Variants in CXADR observed in about 807,000 individuals in gnomAD.
CXADR encodes CXADR cell adhesion molecule, also known as coxsackievirus and adenovirus receptor.
In CXADR, 20 loss-of-function variants were observed where a neutral mutation model predicts 40.3. That is an observed-to-expected ratio of 0.50 (90% CI 0.35 to 0.72). The LOEUF (loss-of-function observed/expected upper bound fraction) is 0.72, where lower values mean the gene tolerates loss of function less well. Among genes scored for constraint, CXADR ranks in the 30% least tolerant of loss-of-function variants. The pLI, the probability that CXADR is intolerant of heterozygous loss-of-function variation, is 0.01. For missense variants in CXADR, 332 were observed against 449.1 expected, an observed-to-expected ratio of 0.74 and a Z score of 2.36; for synonymous variants, 150 against 161.3, an observed-to-expected ratio of 0.93 and a Z score of 0.53.
the CXADR span, chr21:17,608,762 G>A: frequency 4.4e-6 from 2 of 454,080 alleles, no homozygotes; most frequent in African/African-American, 4.0e-5. Context: ...CCATAGCATT[G>A]GCCTCCTGTG....
intron 7 of CXADR, among the ~76,000 whole-genome samples, chr21:17,590,267 T>G (rs1416864066): frequency 2.0e-5 from 3 of 151,926 alleles, no homozygotes; most frequent in Non-Finnish European, 4.4e-5. Context: ...TTCAGTACTT[T>G]TATTTGTGCT....
intron 1 of CXADR, among the ~76,000 whole-genome samples, chr21:17,515,675 G>C (rs2060452145): frequency 6.6e-6 from 1 of 152,092 alleles, no homozygotes; most frequent in Non-Finnish European, 1.5e-5. Flanking sequence ...AGCCGAGCCT[G>C]GTGGCAGGCG....
the CXADR span, among the ~76,000 whole-genome samples, chr21:17,616,337 T>TC: frequency 8.3e-6 from 1 of 120,234 alleles, no homozygotes; most frequent in Non-Finnish European, 2.0e-5. Context: ...ACAAAAGTCT[T>TC]TTTTTTTTTT....
intron 6 of CXADR, among the ~76,000 whole-genome samples, chr21:17,563,951 A>G (rs1251591852): frequency 6.7e-6 from 1 of 148,400 alleles, no homozygotes; most frequent in African/African-American, 2.4e-5. Context: ...AAAAAAAAAA[A>G]AAAAAAAAAA....
intron 7 of CXADR, among the ~76,000 whole-genome samples, chr21:17,591,484 A>G (rs924742194): frequency 6.6e-6 from 1 of 152,020 alleles, no homozygotes; most frequent in Non-Finnish European, 1.5e-5. Context: ...TAAATGCTTT[A>G]TTATCTTAAC....
intron 2 of CXADR, among the ~76,000 whole-genome samples, chr21:17,548,637 G>A (rs539713048): frequency 6.6e-6 from 1 of 152,342 alleles, no homozygotes; most frequent in Admixed American, 6.5e-5. Context: ...GGAAGCCTAG[G>A]AACCATATGG....
chr21:17,516,123 G>A (rs747133445), intron 1 of CXADR, among the ~76,000 whole-genome samples: 4 of 152,114 alleles, frequency 2.6e-5, no homozygotes, highest in Non-Finnish European at 5.9e-5. Flanking sequence ...ACTGTTCTAA[G>A]GGCTTTACAT....
the CXADR span, among the ~76,000 whole-genome samples, chr21:17,630,223 G>T: frequency 1.3e-5 from 2 of 152,174 alleles, no homozygotes; most frequent in African/African-American, 4.8e-5. Flanking sequence ...TTAGAAAATT[G>T]TATGAAGTGA....
intron 3 of CXADR, among the ~76,000 whole-genome samples, chr21:17,555,483 ATAT>A (rs1284596844): frequency 6.6e-6 from 1 of 152,228 alleles, no homozygotes; most frequent in Non-Finnish European, 1.5e-5. Flanking sequence ...TTACAAAATC[ATAT>A]TATAATTATC....
At chr21:17,554,753 G>A (rs767792420) in intron 3 of CXADR, among the ~76,000 whole-genome samples, 15 of 152,148 alleles carry the variant, frequency 9.9e-5, no homozygotes, top group Non-Finnish European at 1.3e-4. Flanking sequence ...GATTATCTGG[G>A]GCAAAAGATA....
intron 7 of CXADR, among the ~76,000 whole-genome samples, chr21:17,590,760 A>AAAG (rs2061429345): frequency 6.6e-6 from 1 of 152,050 alleles, no homozygotes; most frequent in Non-Finnish European, 1.5e-5. Context: ...AAAAAAAGTT[A>AAAG]AAGACTGTGA....
intron 7 of CXADR, among the ~76,000 whole-genome samples, chr21:17,578,606 G>A (rs2061338073): frequency 6.6e-6 from 1 of 152,170 alleles, no homozygotes; most frequent in South Asian, 2.1e-4. Flanking sequence ...GGAGGCCAAG[G>A]CAGGCAGAGC....
chr21:17,541,300 C>T (rs1298348595), intron 1 of CXADR, among the ~76,000 whole-genome samples: 1 of 152,152 alleles, frequency 6.6e-6, no homozygotes, highest in Non-Finnish European at 1.5e-5. Flanking sequence ...CGCCTGTAAT[C>T]CCAGCACTTT....
chr21:17,534,071 C>CACATATATATAGCTATATATATAT (rs1569091689), intron 1 of CXADR, among the ~76,000 whole-genome samples: 2 of 56,944 alleles, frequency 3.5e-5, no homozygotes, highest in Non-Finnish European at 6.8e-5. Context: ...TATATATATA[C>CACATATATATAGCTATATATATAT]ACACACACAC....
intron 1 of CXADR, chr21:17,518,803 G>C (rs1414417883): frequency 1.1e-5 from 18 of 1,568,170 alleles, no homozygotes; most frequent in Admixed American, 1.7e-5. Context: ...GTGAATAACT[G>C]TCCCATCATC....
chr21:17,586,786 G>A (rs1346632761), intron 7 of CXADR, among the ~76,000 whole-genome samples: 2 of 151,884 alleles, frequency 1.3e-5, no homozygotes, highest in African/African-American at 2.4e-5. Context: ...TGTGCACAAC[G>A]TGCAGGTTTG....
intron 1 of CXADR, among the ~76,000 whole-genome samples, chr21:17,543,187 C>A (rs1296203950): frequency 1.3e-5 from 2 of 152,120 alleles, no homozygotes; most frequent in African/African-American, 4.8e-5. Flanking sequence ...AGTTGTCTTC[C>A]TTAAAATCCT....
the CXADR span, among the ~76,000 whole-genome samples, chr21:17,603,311 A>C: frequency 1.3e-5 from 2 of 152,218 alleles, no homozygotes; most frequent in Non-Finnish European, 2.9e-5. Context: ...TTATTTTCTC[A>C]GACCTAAATT....
At chr21:17,541,206 T>C (rs1490438839) in intron 1 of CXADR, among the ~76,000 whole-genome samples, 2 of 152,106 alleles carry the variant, frequency 1.3e-5, no homozygotes, top group Non-Finnish European at 2.9e-5. Flanking sequence ...GACAAATGGA[T>C]GACATGCAGC....
Sources: allele counts gnomAD v4.1 joint callset (sites outside exome capture counted in the v4.1 genomes callset), GRCh38; gene constraint gnomAD v4.1.1; transcripts MANE v1.5; gene names NCBI Gene and HGNC (gene_info 2026-07-23, HGNC 2026-07-21).